The following AK8 variants were observed in gnomAD, a reference collection of about 807,000 sequenced individuals.
The protein encoded by AK8 is ATP-AMP transphosphorylase 8.
Under a neutral mutation model 54.6 loss-of-function variants are expected in AK8, and 44 were observed. That is an observed-to-expected ratio of 0.81 (90% CI 0.63 to 1.04). The LOEUF (loss-of-function observed/expected upper bound fraction) is 1.04, where lower values mean the gene tolerates loss of function less well. Among genes scored for constraint, AK8 ranks in the 50% least tolerant of loss-of-function variants. The pLI, the probability that AK8 is intolerant of heterozygous loss-of-function variation, is 0.00. For synonymous variants in AK8, 239 were observed against 245.6 expected (o/e 0.97, Z 0.25); for missense variants, 555 against 613.6 (o/e 0.90, Z 1.01).
At chr9:132,746,230 A>C (rs1365838175) in intron 11 of AK8, among the ~76,000 whole-genome samples, 1 of 152,152 alleles carries the variant, frequency 6.6e-6, no homozygotes, top group Admixed American at 6.5e-5. Context: ...GCACACACAC[A>C]CATAGACACA....
intron 5 of AK8, among the ~76,000 whole-genome samples, chr9:132,838,729 C>T (rs370499983): frequency 2.6e-4 from 40 of 152,178 alleles, no homozygotes; most frequent in Non-Finnish European, 5.0e-4. Context: ...AGAATGACAG[C>T]AGCTCTTAGA....
chr9:132,820,689 G>A (rs1173782861), intron 9 of AK8, among the ~76,000 whole-genome samples: 1 of 152,228 alleles, frequency 6.6e-6, no homozygotes, highest in Non-Finnish European at 1.5e-5. Flanking sequence ...CATCCTAAGT[G>A]AGGTCTTCTG....
chr9:132,737,403 T>A (rs1171437137), intron 11 of AK8, among the ~76,000 whole-genome samples: 1 of 152,206 alleles, frequency 6.6e-6, no homozygotes, highest in Admixed American at 6.5e-5. Flanking sequence ...CAGCTTTTCC[T>A]TGATACCAAA....
chr9:132,834,738 AC>A (rs1169580297), intron 5 of AK8, among the ~76,000 whole-genome samples: 1 of 152,200 alleles, frequency 6.6e-6, no homozygotes, highest in African/African-American at 2.4e-5. Context: ...AATCAATGAT[AC>A]ATGCGTGGTA....
At position 132,742,268 on chromosome 9, in the gene AK8, G is replaced by A. The variant is rs565373325; in HGVS notation, c.1122-14734C>T. On this transcript the variant is annotated intron_variant, in intron 11 of 12. Coordinates refer to ENST00000298545, the MANE Select transcript of AK8 (RefSeq NM_152572.3). Reference sequence around the variant, plus strand: ...CAGCTCACTGCAGCTTCGACCTTCCGGGCTCAAGCGATCCTCCCACTTCAG... The same window carrying A: ...CAGCTCACTGCAGCTTCGACCTTCCAGGCTCAAGCGATCCTCCCACTTCAG... Among the ~76,000 whole-genome samples the A allele has an allele frequency of 7.3e-5, 11 of 150,686 alleles. No homozygotes were observed. In the South Asian group the frequency reaches 1.5e-3, roughly 20 times the overall value.
chr9:132,751,378 CAA>C (rs1208975942), intron 11 of AK8, among the ~76,000 whole-genome samples: 5 of 50,196 alleles, frequency 1.0e-4, no homozygotes, highest in Non-Finnish European at 1.3e-4. Flanking sequence ...AGTGAGACTC[CAA>C]AAAAAAAAAA....
chr9:132,796,295 C>T (rs967899491), intron 10 of AK8, among the ~76,000 whole-genome samples: 2 of 152,132 alleles, frequency 1.3e-5, no homozygotes, highest in African/African-American at 4.8e-5. Flanking sequence ...AAATCTGACT[C>T]GAGGGAAAAA....
chr9:132,777,728 G>A (rs1435941729), intron 11 of AK8, among the ~76,000 whole-genome samples: 3 of 152,172 alleles, frequency 2.0e-5, no homozygotes, highest in East Asian at 1.9e-4. Flanking sequence ...AGTCAAGCAG[G>A]GCTGAGGGAA....
rs555706374 is a variant in AK8 at position 132,764,900 on chromosome 9, C to T, written c.1121+27734G>A. On this transcript the variant is annotated intron_variant, in intron 11 of 12. Coordinates refer to ENST00000298545, the MANE Select transcript of AK8 (RefSeq NM_152572.3). ...CTAATACCAAGGCCAGACAAAGATA[C>T]AGCAAAAAAAGAAAACTATAGGCCA... 2.0e-5 allele frequency among the ~76,000 whole-genome samples: 3 copies of T among 152,176 alleles called. No individual in the cohort carries two copies. The South Asian group carries it at 6.2e-4, about 32-fold the overall frequency.
chr9:132,777,046 C>T (rs145680479), intron 11 of AK8, among the ~76,000 whole-genome samples: 139 of 152,204 alleles, frequency 9.1e-4, no homozygotes, highest in Middle Eastern at 3.4e-3. Context: ...ATCCTCCTGC[C>T]CCGCGTGTCA....
In AK8 at chr9:132,748,268, A is replaced by G. The variant is rs189534696; in HGVS notation, c.1122-20734T>C. 7.7e-4 allele frequency among the ~76,000 whole-genome samples: 116 copies of G among 150,486 alleles called. 2 individuals are homozygous for G. The highest frequency in any genetic ancestry group is 2.6e-3 in the African/African-American group (106 of 40,120). On this transcript the variant is annotated intron_variant, in intron 11 of 12. Transcript: ENST00000298545. ...CGCAGATCATAAAACACACAGATTT[A>G]AAGCTTCATGTGTCTGAGCAGTGCT...
At chr9:132,866,002 A>T (rs1588234004) in intron 3 of AK8, among the ~76,000 whole-genome samples, 3 of 151,860 alleles carry the variant, frequency 2.0e-5, no homozygotes, top group Admixed American at 2.0e-4. Context: ...GTCCAATACC[A>T]GCCTGGACGA....
In AK8 at chr9:132,791,709, A is replaced by G. The variant is rs993779202; in HGVS notation, c.1121+925T>C. Among the ~76,000 whole-genome samples the G allele has an allele frequency of 7.9e-5, 12 of 152,202 alleles. No homozygotes were observed. Among genetic ancestry groups the G allele is most frequent in the Non-Finnish European group, 1.5e-4 (10 of 68,034 alleles). ...GAGAGACTAAACACACAGTTTGATG[A>G]TGGTCAGACCATATATAAAAAGAGA... On this transcript the variant is annotated intron_variant, in intron 11 of 12. Transcript: ENST00000298545. This position sits in a 1 kb window ranked among gnomAD's most constrained non-coding sequence, Gnocchi z 4.0.
chr9:132,820,658 C>T (rs996592421), intron 9 of AK8, among the ~76,000 whole-genome samples: 7 of 152,212 alleles, frequency 4.6e-5, no homozygotes, highest in African/African-American at 1.7e-4. Context: ...TTCAGAAAGT[C>T]GTGTCCGTAT....
intron 7 of AK8, chr9:132,827,579 C>G (rs1191772682): frequency 4.8e-6 from 1 of 209,176 alleles, no homozygotes; most frequent in African/African-American, 2.3e-5. Context: ...TCTTCAAGGC[C>G]CAGTTCAAGG....
intron 4 of AK8, among the ~76,000 whole-genome samples, chr9:132,859,993 A>G (rs963431671): frequency 2.0e-5 from 3 of 152,012 alleles, no homozygotes; most frequent in Non-Finnish European, 4.4e-5. Context: ...TTTGACATTC[A>G]TTTCGATGGC....
At chr9:132,759,212 A>G (rs1226042453) in intron 11 of AK8, among the ~76,000 whole-genome samples, 1 of 151,844 alleles carries the variant, frequency 6.6e-6, no homozygotes, top group African/African-American at 2.4e-5. Context: ...AAAAAAAAAA[A>G]AAAATAGAAA....
At chr9:132,823,909 G>T (rs1476909400) in intron 8 of AK8, among the ~76,000 whole-genome samples, 1 of 152,226 alleles carries the variant, frequency 6.6e-6, no homozygotes, top group Non-Finnish European at 1.5e-5. Flanking sequence ...CTGCACTCTG[G>T]TGACACCAAC....
At chr9:132,806,004 A>C (rs1254106568) in intron 10 of AK8, among the ~76,000 whole-genome samples, 1 of 151,986 alleles carries the variant, frequency 6.6e-6, no homozygotes, top group East Asian at 1.9e-4. Context: ...GGTTGGGGGT[A>C]CCAAAGGGAC....
Sources: allele counts gnomAD v4.1 joint callset (sites outside exome capture counted in the v4.1 genomes callset), GRCh38; gene constraint gnomAD v4.1.1; non-coding constraint Gnocchi (gnomAD v3.1); transcripts MANE v1.5; gene names NCBI Gene and HGNC (gene_info 2026-07-23, HGNC 2026-07-21).